Variants in IAH1 observed in about 807,000 individuals in gnomAD.
The protein encoded by IAH1 is isoamyl acetate-hydrolyzing esterase 1 homolog.
In IAH1, 24 loss-of-function variants were observed where a neutral mutation model predicts 26.7. That is an observed-to-expected ratio of 0.90 (90% CI 0.65 to 1.26). The LOEUF is 1.26. IAH1 is among the 50% of genes most tolerant of loss of function. The pLI is 0.00. For synonymous variants in IAH1, 140 were observed against 118.5 expected (o/e 1.18, Z -1.18); for missense variants, 300 against 299.9 (o/e 1.00, Z 0.00).
At chr2:9,510,631 T>C in the IAH1 span, among the ~76,000 whole-genome samples, 1 of 145,126 alleles carries the variant, frequency 6.9e-6, no homozygotes, top group Non-Finnish European at 1.5e-5. Context: ...GCCATTGCAC[T>C]CCAGCCTGGG....
intron 2 of IAH1, among the ~76,000 whole-genome samples, chr2:9,477,116 CACAA>C (rs575143652): frequency 2.3e-3 from 347 of 152,332 alleles, no homozygotes; most frequent in Non-Finnish European, 3.8e-3. Context: ...TCATTACACA[CACAA>C]ACAATCTCTT....
At chr2:9,492,715 T>A (rs1035877743), downstream of IAH1, among the ~76,000 whole-genome samples, 10 of 152,136 alleles carry the variant, frequency 6.6e-5, no homozygotes, top group African/African-American at 1.7e-4. Context: ...GTATTTTTTT[T>A]AAAAGACCAT....
chr2:9,501,976 G>A, the IAH1 span, among the ~76,000 whole-genome samples: 1 of 151,710 alleles, frequency 6.6e-6, no homozygotes, highest in South Asian at 2.1e-4. Context: ...GGAGAGTGAT[G>A]GAAATGAAAG....
At chr2:9,492,811 C>A, downstream of IAH1, 1 of 1,192,964 alleles carries the variant, frequency 8.4e-7, no homozygotes, top group Non-Finnish European at 1.2e-6. Context: ...TTGCTAAGAA[C>A]AAGTTTTACC....
At position 9,474,630 on chromosome 2, in the gene IAH1, G is replaced by A. The variant is rs1355445754; in HGVS notation, c.64G>A (p.Gly22Arg). The A allele has an allele frequency of 1.3e-6, 2 of 1,557,230 alleles. No individual in the cohort carries two copies. The highest frequency in any genetic ancestry group is 1.9e-5 in the Admixed American group (1 of 53,944). ...GCTCTGGCCTCGCTTGTTGCTCTTC[G>A]GGGACTCCATCACCCAGGTACGGCC... Reference protein sequence around the residue: ...ALLWPRLLLFGDSITQFSFQQ... With the variant: ...ALLWPRLLLFRDSITQFSFQQ... Residue 22 changes from glycine to arginine, a missense_variant, in exon 1 of 6, where the codon GGG (glycine) becomes AGG (arginine). Gly to Arg is a moderately radical substitution (Grantham distance 125, BLOSUM62 -2). Coordinates refer to ENST00000497473, the MANE Select transcript of IAH1 (RefSeq NM_001039613.3). This position sits in a 1 kb window ranked among gnomAD's most constrained non-coding sequence, Gnocchi z 4.3.
the IAH1 span, among the ~76,000 whole-genome samples, chr2:9,508,972 G>A: frequency 7.2e-6 from 1 of 138,474 alleles, no homozygotes; most frequent in Non-Finnish European, 1.6e-5. Flanking sequence ...ATGAGATGCA[G>A]AAAATATACA....
chr2:9,481,519 G>A, intron 4 of IAH1, 72 bp downstream of exon 4: 1 of 1,476,722 alleles, frequency 6.8e-7, no homozygotes, highest in South Asian at 1.2e-5. Context: ...TAGGACAGTG[G>A]TTTCCTGCCT....
At chr2:9,480,155 C>T (rs970455965) in intron 3 of IAH1, among the ~76,000 whole-genome samples, 7 of 151,982 alleles carry the variant, frequency 4.6e-5, no homozygotes, top group Admixed American at 2.6e-4. Flanking sequence ...CTGTACAGTA[C>T]GGAAACATCA....
intron 6 of IAH1, chr2:9,494,975 TA>T (rs1225954454): frequency 2.5e-3 from 1,060 of 432,592 alleles, no homozygotes; most frequent in East Asian, 3.0e-3. Flanking sequence ...CCACAAGGTT[TA>T]AAAAAAAATG....
rs755225072 is a variant in IAH1, at chr2:9,488,317, T to C, written c.735T>C (p.Asp245=). 6.2e-6 allele frequency: 10 copies of C among 1,604,954 alleles called. No homozygotes were observed. In the African/African-American group the frequency reaches 8.1e-5, roughly 13 times the overall value. ...EAKPELSLLG[D]GDH ...AACCTGAATTAAGTCTGCTGGGAGATGGAGACCATTAGCCAATCACAGGAG... is the reference window on the plus strand; with the variant it reads ...AACCTGAATTAAGTCTGCTGGGAGACGGAGACCATTAGCCAATCACAGGAG... Residue 245 remains aspartate, a synonymous_variant, in exon 6 of 6, where the codon GAT becomes GAC. Coordinates refer to ENST00000497473, the MANE Select transcript of IAH1 (RefSeq NM_001039613.3).
chr2:9,490,631 A>G, downstream of IAH1: 6 of 1,163,312 alleles, frequency 5.2e-6, no homozygotes, highest in Non-Finnish European at 7.1e-6. Flanking sequence ...CTGTGATGCT[A>G]AGAAAAAAGT....
chr2:9,487,193 G>A (rs904725045), intron 5 of IAH1, among the ~76,000 whole-genome samples: 1 of 152,088 alleles, frequency 6.6e-6, no homozygotes, highest in African/African-American at 2.4e-5. Context: ...AGTGAGCCAT[G>A]ATCATGTCAC....
intron 4 of IAH1, among the ~76,000 whole-genome samples, chr2:9,481,920 T>C (rs1312061895): frequency 6.6e-6 from 1 of 152,162 alleles, no homozygotes; most frequent in African/African-American, 2.4e-5. Flanking sequence ...GTGTTTTCAA[T>C]CCACCTTTGA....
At chr2:9,497,062 A>G, downstream of IAH1, 1 of 1,592,632 alleles carries the variant, frequency 6.3e-7, no homozygotes, top group Non-Finnish European at 8.5e-7. Context: ...GGAGCCTGGC[A>G]GACAAAGGCC....
downstream of IAH1, chr2:9,490,183 CTCTGTTTCTTTGCTGTCAACACGAT>C (rs752756380): frequency 3.1e-6 from 5 of 1,592,354 alleles, no homozygotes; most frequent in Non-Finnish European, 4.3e-6. Flanking sequence ...TAAATTAGCA[CTCTGTTTCTTTGCTGTCAACACGAT>C]TCTGACGCTG....
chr2:9,507,674 A>C, the IAH1 span, among the ~76,000 whole-genome samples: 4 of 152,166 alleles, frequency 2.6e-5, no homozygotes, highest in Non-Finnish European at 4.4e-5. Context: ...AGCTCCAGAA[A>C]AAAAAAGTTC....
At chr2:9,504,382 T>C in the IAH1 span, among the ~76,000 whole-genome samples, 1 of 151,046 alleles carries the variant, frequency 6.6e-6, no homozygotes, top group South Asian at 2.1e-4. Flanking sequence ...GAGGCGGAGA[T>C]TGCAGTGCGC....
downstream of IAH1, chr2:9,493,780 C>T (rs758594009): frequency 3.8e-5 from 62 of 1,613,922 alleles, no homozygotes; most frequent in Admixed American, 5.7e-4. Flanking sequence ...TCAATGAAAT[C>T]CCAAAATCGT....
upstream of IAH1, chr2:9,474,546 C>CCCGCA: frequency 7.0e-7 from 1 of 1,435,510 alleles, no homozygotes; most frequent in Non-Finnish European, 9.2e-7. The surrounding 1 kb of genome is among the most constrained non-coding windows in gnomAD (Gnocchi z 4.3). Flanking sequence ...GCGGCCCCGC[C>CCCGCA]CCGCCCCGCC....
Sources: gnomAD v4.1 joint callset for allele counts (sites outside exome capture counted in the v4.1 genomes callset) on GRCh38, gnomAD v4.1.1 for gene constraint, Gnocchi (gnomAD v3.1) non-coding constraint, MANE v1.5 for transcripts, NCBI Gene and HGNC (gene_info 2026-07-23, HGNC 2026-07-21) for gene names.